The following ARHGAP24 variants were observed in gnomAD, a reference collection of about 807,000 sequenced individuals.
ARHGAP24 encodes the protein Rho GTPase activating protein 24, also known as rho GTPase-activating protein 24.
ARHGAP24 carries 50 observed loss-of-function variants against 76.4 expected under a neutral mutation model. The ratio of observed to expected loss-of-function variants is 0.65; its 90% confidence interval spans 0.52 to 0.83. The LOEUF is 0.83. ARHGAP24 is among the 40% of genes least tolerant of loss of function. ARHGAP24 has a pLI of 0.00. For synonymous variants in ARHGAP24, 345 were observed against 323.3 expected, an observed-to-expected ratio of 1.07 and a Z score of -0.72; for missense variants, 930 against 914.2, an observed-to-expected ratio of 1.02 and a Z score of -0.22.
intron 2 of ARHGAP24, among the ~76,000 whole-genome samples, chr4:85,621,770 T>C (rs1162435613): frequency 6.6e-6 from 1 of 152,166 alleles, no homozygotes; most frequent in Non-Finnish European, 1.5e-5. Context: ...TTAGTTTAAT[T>C]AGGTTATAAT....
At chr4:85,988,203 T>C (rs1459787016) in intron 8 of ARHGAP24, among the ~76,000 whole-genome samples, 1 of 151,886 alleles carries the variant, frequency 6.6e-6, no homozygotes, top group Non-Finnish European at 1.5e-5. Flanking sequence ...AGAAGGAATA[T>C]GAGTCCAGAT....
intron 3 of ARHGAP24, among the ~76,000 whole-genome samples, chr4:85,799,291 C>G (rs144421433): frequency 1.5e-4 from 23 of 151,174 alleles, no homozygotes; most frequent in African/African-American, 4.9e-4. Flanking sequence ...CCTTGTGTAC[C>G]AGATTTTAAG....
intron 4 of ARHGAP24, among the ~76,000 whole-genome samples, chr4:85,940,158 T>G (rs933255294): frequency 7.9e-5 from 12 of 152,144 alleles, no homozygotes; most frequent in Non-Finnish European, 1.8e-4. Flanking sequence ...TACCATTGAA[T>G]GGATTAGAAT....
At chr4:85,540,275 T>G (rs771971086) in intron 1 of ARHGAP24, among the ~76,000 whole-genome samples, 12 of 152,064 alleles carry the variant, frequency 7.9e-5, no homozygotes, top group Admixed American at 4.6e-4. Flanking sequence ...TTTAAAAATC[T>G]AATGTAGTGG....
chr4:85,997,347 GAT>G (rs1418879509), intron 9 of ARHGAP24, among the ~76,000 whole-genome samples: 216 of 149,462 alleles, frequency 1.4e-3, no homozygotes, highest in African/African-American at 5.1e-3. Flanking sequence ...TAGATAGAGA[GAT>G]AGATAATAGA....
At chr4:85,674,951 G>A (rs372267938) in intron 2 of ARHGAP24, among the ~76,000 whole-genome samples, 6 of 152,160 alleles carry the variant, frequency 3.9e-5, no homozygotes, top group Non-Finnish European at 8.8e-5. Flanking sequence ...CACAGATCTC[G>A]TCACAAGCAT....
At chr4:85,523,649 A>C (rs1176440896) in intron 1 of ARHGAP24, among the ~76,000 whole-genome samples, 2 of 152,154 alleles carry the variant, frequency 1.3e-5, no homozygotes, top group African/African-American at 2.4e-5. Flanking sequence ...TGGAGTCACA[A>C]ATTGCTCTGT....
At chr4:85,862,475 A>G (rs188900411) in intron 3 of ARHGAP24, among the ~76,000 whole-genome samples, 77 of 152,196 alleles carry the variant, frequency 5.1e-4, no homozygotes, top group Non-Finnish European at 7.9e-4. Flanking sequence ...CTCCTAAGTT[A>G]GGTTTTCAAG....
At chr4:85,852,806 A>G (rs978212578) in intron 3 of ARHGAP24, among the ~76,000 whole-genome samples, 2 of 152,206 alleles carry the variant, frequency 1.3e-5, no homozygotes, top group Admixed American at 6.5e-5. Context: ...CAAATATTGC[A>G]GAACAGCAAA....
chr4:85,616,734 T>C (rs910002195), intron 2 of ARHGAP24, among the ~76,000 whole-genome samples: 2 of 152,150 alleles, frequency 1.3e-5, no homozygotes, highest in Non-Finnish European at 2.9e-5. Flanking sequence ...TACAAGCTAT[T>C]CTTGTGCCCC....
At chr4:85,715,142 C>T (rs1724685786) in intron 2 of ARHGAP24, among the ~76,000 whole-genome samples, 1 of 152,048 alleles carries the variant, frequency 6.6e-6, no homozygotes, top group Non-Finnish European at 1.5e-5. Flanking sequence ...TATCACTAAT[C>T]ATCCTTATCA....
chr4:85,784,945 ATCTATCTATCTATCTC>A lies in ARHGAP24; in HGVS notation c.268+62981_268+62996del, dbSNP rs1187469724. On this transcript the variant is annotated intron_variant, in intron 3 of 9. Coordinates refer to ENST00000395184, the MANE Select transcript of ARHGAP24 (RefSeq NM_001025616.3). ...TATCTATCTATCTATCTATCTATCTATCTATCTATCTATCTCTCTATCTCTCTATCTGCTTTCCTAT... is the reference window on the plus strand; with the variant it reads ...TATCTATCTATCTATCTATCTATCTATCTATCTCTCTATCTGCTTTCCTAT... Among the ~76,000 whole-genome samples, 520 of 135,664 alleles carry A rather than the reference ATCTATCTATCTATCTC, an allele frequency of 3.8e-3. 4 individuals are homozygous for A. The highest frequency in any genetic ancestry group is 0.015 in the Middle Eastern group (4 of 274). The allele number at this position is 135,664 out of a possible 152,430, so 89.0% of individuals were successfully genotyped here. A position where few individuals can be genotyped will look rare whatever the true frequency, so the allele number is the denominator to read the frequency against.
At chr4:85,586,850 A>G (rs1727884133) in intron 2 of ARHGAP24, among the ~76,000 whole-genome samples, 1 of 152,166 alleles carries the variant, frequency 6.6e-6, no homozygotes, top group Admixed American at 6.5e-5. Flanking sequence ...GTGAACCGAC[A>G]TTGCTCCACT....
At chr4:85,989,892 C>T (rs1413666488) in intron 8 of ARHGAP24, 1 of 151,692 alleles carries the variant, frequency 6.6e-6, no homozygotes, top group East Asian at 1.9e-4. Flanking sequence ...AATGCTTTGC[C>T]TCTAAGATCG....
At position 85,730,532 on chromosome 4, in the gene ARHGAP24, G is replaced by A. The variant is rs146001250; in HGVS notation, c.268+8560G>A. On this transcript the variant is annotated intron_variant, in intron 3 of 9. Coordinates refer to ENST00000395184, the MANE Select transcript of ARHGAP24 (RefSeq NM_001025616.3). The stretch of plus-strand genomic sequence containing the variant: ...AGTGATCCTCCTGCCTCAGCCTCCC[G>A]AGTAGTAGCTGGAACCACAAGTTCA... 8.3e-3 allele frequency among the ~76,000 whole-genome samples: 1,258 copies of A among 152,044 alleles called. 14 individuals are homozygous for A. The highest frequency in any genetic ancestry group is 0.028 in the African/African-American group (1,161 of 41,460).
chr4:85,994,762 C>A lies in ARHGAP24; in HGVS notation c.1108C>A (p.Pro370Thr), dbSNP rs768626255. 1.3e-5 allele frequency: 21 copies of A among 1,613,920 alleles called. No homozygotes were observed. The highest frequency in any genetic ancestry group is 2.2e-5 in the South Asian group (2 of 91,076). Residue 370 changes from proline (P) to threonine (T), a missense_variant, in exon 9 of 10, where the codon CCT becomes ACT. Transcript: ENST00000395184. The part of the protein sequence containing the change: ...NKENNNTKDS[P>T]SRQCSWDKSE... ...GGAGAACAATAACACCAAGGACAGCCCTAGTAGGCAGTGCTCCTGGGACAA... is the reference window on the plus strand; with the variant it reads ...GGAGAACAATAACACCAAGGACAGCACTAGTAGGCAGTGCTCCTGGGACAA...
chr4:85,781,797 G>A (rs1727567840), intron 3 of ARHGAP24, among the ~76,000 whole-genome samples: 1 of 152,064 alleles, frequency 6.6e-6, no homozygotes, highest in African/African-American at 2.4e-5. Context: ...ACTTTGGGAG[G>A]CCAAGGCGGA....
intron 2 of ARHGAP24, among the ~76,000 whole-genome samples, chr4:85,713,563 C>T (rs955025830): frequency 3.3e-5 from 5 of 152,110 alleles, no homozygotes; most frequent in African/African-American, 7.2e-5. Flanking sequence ...AATCACAGGA[C>T]GTCTGCCTTC....
At chr4:85,921,713 A>C (rs1735730570) in intron 3 of ARHGAP24, among the ~76,000 whole-genome samples, 2 of 152,138 alleles carry the variant, frequency 1.3e-5, no homozygotes, top group African/African-American at 4.8e-5. Context: ...TGGGCCCCAC[A>C]GTAGGAGGTG....
Sources: gnomAD v4.1 joint callset for allele counts (sites outside exome capture counted in the v4.1 genomes callset) on GRCh38, gnomAD v4.1.1 for gene constraint, MANE v1.5 for transcripts, NCBI Gene and HGNC (gene_info 2026-07-23, HGNC 2026-07-21) for gene names.